PTPRD: variants seen among roughly 807,000 people sequenced by gnomAD.
PTPRD encodes protein tyrosine phosphatase receptor type D.
A neutral mutation model predicts 214.5 loss-of-function variants in PTPRD; 34 were observed. That is an observed-to-expected ratio of 0.16 (90% CI 0.12 to 0.21). The LOEUF is 0.21. Among genes scored for constraint, PTPRD ranks in the 10% least tolerant of loss-of-function variants. The probability of loss-of-function intolerance (pLI) is 1.00; values close to 1 mark genes in which losing one functional copy is unlikely to be tolerated. For synonymous variants in PTPRD, 1,128 were observed against 845.7 expected, an observed-to-expected ratio of 1.33 and a Z score of -5.79; for missense variants, 2,545 against 2,398.7, an observed-to-expected ratio of 1.06 and a Z score of -1.27.
intron 5 of PTPRD, among the ~76,000 whole-genome samples, chr9:9,933,079 G>A (rs1351630850): frequency 3.7e-4 from 56 of 152,132 alleles, no homozygotes; most frequent in Non-Finnish European, 6.3e-4. Flanking sequence ...TGAAGGAAGC[G>A]CTAAACATGG....
intron 3 of PTPRD, among the ~76,000 whole-genome samples, chr9:10,081,079 C>T (rs2098228616): frequency 6.6e-6 from 1 of 152,000 alleles, no homozygotes; most frequent in African/African-American, 2.4e-5. Context: ...TTCTCTTTCT[C>T]CTTTTTTTAA....
intron 5 of PTPRD, among the ~76,000 whole-genome samples, chr9:9,788,883 A>G (rs1376181572): frequency 1.3e-5 from 2 of 152,160 alleles, no homozygotes; most frequent in African/African-American, 4.8e-5. Flanking sequence ...TAGGGTCAAA[A>G]TTAGATCTAA....
chr9:9,261,455 C>T (rs2099980069), intron 9 of PTPRD, among the ~76,000 whole-genome samples: 1 of 151,734 alleles, frequency 6.6e-6, no homozygotes, highest in Admixed American at 6.6e-5. Context: ...ATAAATGTAT[C>T]ATAATGGGAG....
intron 39 of PTPRD, among the ~76,000 whole-genome samples, chr9:8,350,349 C>CCA (rs1309674786): frequency 6.6e-6 from 1 of 151,926 alleles, no homozygotes; most frequent in East Asian, 1.9e-4. Flanking sequence ...TAGTTGGGTG[C>CCA]CAAGACAGTA....
chr9:9,579,348 G>A (rs149844631), intron 7 of PTPRD, among the ~76,000 whole-genome samples: 3,217 of 152,230 alleles, frequency 0.021, 53 homozygotes, highest in Middle Eastern at 0.034. Flanking sequence ...TGTTGTATAA[G>A]TAAGAACACT....
At chr9:10,050,328 G>C (rs1243925353) in intron 3 of PTPRD, among the ~76,000 whole-genome samples, 1 of 151,868 alleles carries the variant, frequency 6.6e-6, no homozygotes, top group Non-Finnish European at 1.5e-5. Context: ...GGGAGGCTGA[G>C]GAGGGCTGAT....
intron 11 of PTPRD, among the ~76,000 whole-genome samples, chr9:8,913,784 G>A (rs1436515812): frequency 6.6e-6 from 1 of 152,076 alleles, no homozygotes; most frequent in Non-Finnish European, 1.5e-5. Flanking sequence ...CTTATTGGTG[G>A]ACAATGAAGA....
chr9:9,598,908 G>C (rs181166614), intron 7 of PTPRD, among the ~76,000 whole-genome samples: 2 of 152,070 alleles, frequency 1.3e-5, no homozygotes, highest in Admixed American at 6.6e-5. Flanking sequence ...ATGATCCAGA[G>C]TGCCCCCTGT....
intron 8 of PTPRD, among the ~76,000 whole-genome samples, chr9:9,567,425 C>T (rs1003985169): frequency 5.3e-5 from 8 of 151,928 alleles, no homozygotes; most frequent in African/African-American, 2.4e-5. Flanking sequence ...AAATTATTCT[C>T]TTGAAGATGA....
intron 9 of PTPRD, among the ~76,000 whole-genome samples, chr9:9,236,781 G>T (rs73388879): frequency 6.6e-6 from 1 of 151,780 alleles, no homozygotes; most frequent in African/African-American, 2.4e-5. Flanking sequence ...CCAACCATAA[G>T]GTTGGGACCC....
chr9:10,450,940 CT>C (rs2098837454), intron 2 of PTPRD, among the ~76,000 whole-genome samples: 1 of 151,860 alleles, frequency 6.6e-6, no homozygotes, highest in Non-Finnish European at 1.5e-5. Flanking sequence ...ATAAAAATCT[CT>C]AAGTACTCTG....
chr9:9,995,723 A>G (rs1401488071), intron 4 of PTPRD, among the ~76,000 whole-genome samples: 1 of 152,042 alleles, frequency 6.6e-6, no homozygotes, highest in Non-Finnish European at 1.5e-5. Flanking sequence ...ACCCAATTAC[A>G]GTGTATTGTG....
intron 39 of PTPRD, among the ~76,000 whole-genome samples, chr9:8,343,965 A>G (rs377324405): frequency 8.5e-5 from 13 of 152,188 alleles, no homozygotes; most frequent in East Asian, 5.8e-4. Flanking sequence ...ACTCCTCTGC[A>G]TAGTGTTTGA....
intron 36 of PTPRD, among the ~76,000 whole-genome samples, chr9:8,401,596 AGT>A (rs1262748733): frequency 2.6e-5 from 4 of 152,172 alleles, no homozygotes; most frequent in Non-Finnish European, 5.9e-5. Flanking sequence ...GATGTCACCA[AGT>A]GTCACTATTT....
intron 2 of PTPRD, among the ~76,000 whole-genome samples, chr9:10,342,289 T>A (rs2096955885): frequency 6.6e-6 from 1 of 152,114 alleles, no homozygotes; most frequent in African/African-American, 2.4e-5. Flanking sequence ...TTCAAGATTA[T>A]AGTAAGCATT....
intron 10 of PTPRD, among the ~76,000 whole-genome samples, chr9:9,182,402 C>A (rs1593074009): frequency 6.6e-6 from 1 of 152,058 alleles, no homozygotes; most frequent in African/African-American, 2.4e-5. Context: ...TGCTAACGAA[C>A]TTTTAAACCT....
intron 5 of PTPRD, among the ~76,000 whole-genome samples, chr9:9,852,407 C>G (rs2060719163): frequency 6.6e-6 from 1 of 151,554 alleles, no homozygotes; most frequent in Non-Finnish European, 1.5e-5. Flanking sequence ...AGGATAAATG[C>G]TAGTAGCAGA....
At chr9:9,244,508 A>C (rs1490873286) in intron 9 of PTPRD, among the ~76,000 whole-genome samples, 1 of 152,180 alleles carries the variant, frequency 6.6e-6, no homozygotes, top group Non-Finnish European at 1.5e-5. Context: ...CTGATCTTTG[A>C]CAAACCTGAC....
In PTPRD at chr9:10,032,638, T is replaced by C. The variant is rs373180698; in HGVS notation, c.-472+1080A>G. Among the ~76,000 whole-genome samples, 26 of 152,284 alleles carry C rather than the reference T, an allele frequency of 1.7e-4. No individual in the cohort carries two copies. The South Asian group carries it at 4.6e-3, about 27-fold the overall frequency. The stretch of plus-strand genomic sequence containing the variant: ...AAAACACACTTGCTACCTTGCAACA[T>C]GCAGTATATCTATTCAATCTAATGC... On this transcript the variant is annotated intron_variant, in intron 4 of 45. Transcript: ENST00000381196.
Sources: allele counts gnomAD v4.1 joint callset (sites outside exome capture counted in the v4.1 genomes callset), GRCh38; gene constraint gnomAD v4.1.1; transcripts MANE v1.5; gene names NCBI Gene and HGNC (gene_info 2026-07-23, HGNC 2026-07-21).